RPA2: variants seen among roughly 807,000 people sequenced by gnomAD.
RPA2 encodes replication protein A2.
Under a neutral mutation model 33.4 loss-of-function variants are expected in RPA2, and 22 were observed. The observed-to-expected ratio is 0.66, with a 90% CI of 0.47 to 0.94. The LOEUF (loss-of-function observed/expected upper bound fraction) is 0.94, where lower values mean the gene tolerates loss of function less well. RPA2 is among the 40% of genes least tolerant of loss of function. The probability of loss-of-function intolerance (pLI) is 0.00; values close to 1 mark genes in which losing one functional copy is unlikely to be tolerated. For synonymous variants in RPA2, 109 were observed against 114.9 expected, an observed-to-expected ratio of 0.95 and a Z score of 0.33; for missense variants, 279 against 329.9, an observed-to-expected ratio of 0.85 and a Z score of 1.19.
chr1:27,896,890 G>C (rs1166784375), intron 6 of RPA2, 115 bp downstream of exon 6: 17 of 675,784 alleles, frequency 2.5e-5, no homozygotes, highest in South Asian at 9.7e-5. Flanking sequence ...TGAGGACTTA[G>C]TGATGTCTTT....
In RPA2 at chr1:27,914,046, T is replaced by C; in HGVS notation, c.117+17A>G. On this transcript the variant is annotated intron_variant, in intron 2 of 8. Coordinates refer to ENST00000373912, the MANE Select transcript of RPA2 (RefSeq NM_002946.5). Reference sequence around the variant, plus strand: ...CAGGACAGGATAAAACAAAACTAAATACTCCTTTCAACCTACTGATTTCTT... The same window carrying C: ...CAGGACAGGATAAAACAAAACTAAACACTCCTTTCAACCTACTGATTTCTT... The C allele has an allele frequency of 2.6e-6, 4 of 1,558,404 alleles. No homozygotes were observed. The highest frequency in any genetic ancestry group is 3.5e-6 in the Non-Finnish European group (4 of 1,152,652).
At chr1:27,900,666 G>A (rs955707923) in intron 4 of RPA2, among the ~76,000 whole-genome samples, 3 of 151,860 alleles carry the variant, frequency 2.0e-5, no homozygotes, top group Non-Finnish European at 2.9e-5. Flanking sequence ...TGGATGAGGA[G>A]TTGCTTCCTT....
intron 4 of RPA2, among the ~76,000 whole-genome samples, chr1:27,900,896 C>A (rs1345527204): frequency 3.3e-5 from 5 of 152,146 alleles, no homozygotes; most frequent in African/African-American, 1.2e-4. Flanking sequence ...AACTCCTGAC[C>A]TCAAATGATC....
chr1:27,899,873 G>C (rs1257466614), intron 4 of RPA2, among the ~76,000 whole-genome samples: 1 of 152,088 alleles, frequency 6.6e-6, no homozygotes, highest in East Asian at 1.9e-4. Flanking sequence ...GTAGAGACAA[G>C]GTTTCACCCT....
chr1:27,902,724 G>A (rs1225071115), intron 4 of RPA2, among the ~76,000 whole-genome samples: 1 of 151,766 alleles, frequency 6.6e-6, no homozygotes, highest in Non-Finnish European at 1.5e-5. Context: ...TGGGAGGATT[G>A]CTTAAACCCA....
upstream of RPA2, chr1:27,914,583 C>T (rs1018068779): frequency 1.9e-6 from 3 of 1,613,150 alleles, no homozygotes; most frequent in Non-Finnish European, 2.5e-6. Flanking sequence ...AATGGCGGAG[C>T]CAGTCAGCTC....
chr1:27,898,001 CT>C (rs2089914529), intron 4 of RPA2, among the ~76,000 whole-genome samples: 1 of 151,950 alleles, frequency 6.6e-6, no homozygotes, highest in African/African-American at 2.4e-5. Context: ...TTTCTTTTTT[CT>C]TTTTTTGAGA....
intron 2 of RPA2, 126 bp downstream of exon 2, chr1:27,913,934 AGAT>A: frequency 1.2e-6 from 1 of 860,406 alleles, no homozygotes; most frequent in South Asian, 2.5e-5. Flanking sequence ...TAAGAGATGC[AGAT>A]AATAATAGAT....
At chr1:27,906,611 C>A (rs2090031491) in intron 4 of RPA2, among the ~76,000 whole-genome samples, 1 of 152,122 alleles carries the variant, frequency 6.6e-6, no homozygotes, top group African/African-American at 2.4e-5. Context: ...ATCGCTTGAG[C>A]CCGGGATGCG....
rs1480576561 is a variant in RPA2 at position 27,894,305 on chromosome 1, A to G, written c.618T>C (p.Thr206=). ...TGGAGGTTACCTGGTTTTGGGCCAC[A>G]GTGAGGCCATTTGCTGGCATGAAGC... ...GNSFMPANGL[T]VAQNQVLNLI... The change falls in exon 7 of 9, where the codon ACT becomes ACC. Residue 206 remains threonine (T), a synonymous_variant. Transcript: ENST00000373912. 1.1e-5 allele frequency: 18 copies of G among 1,614,070 alleles called. No individual in the cohort carries two copies. The highest frequency in any genetic ancestry group is 1.4e-5 in the Non-Finnish European group (17 of 1,180,006).
chr1:27,905,316 CAG>C (rs1193757694), intron 4 of RPA2, among the ~76,000 whole-genome samples: 2 of 152,112 alleles, frequency 1.3e-5, no homozygotes, highest in Admixed American at 6.6e-5. Context: ...CATTTTGAGA[CAG>C]AGTCTTGCTC....
At chr1:27,892,565 C>T (rs1027911563) in intron 8 of RPA2, among the ~76,000 whole-genome samples, 1 of 152,226 alleles carries the variant, frequency 6.6e-6, no homozygotes. Flanking sequence ...TGTAGTCACA[C>T]TTGCACACAA....
chr1:27,914,592 T>G (rs1308789341), upstream of RPA2: 2 of 1,613,680 alleles, frequency 1.2e-6, no homozygotes. Context: ...GCCAGTCAGC[T>G]CCCGGGGTGC....
chr1:27,898,593 T>C (rs2089921469), intron 4 of RPA2, among the ~76,000 whole-genome samples: 1 of 151,424 alleles, frequency 6.6e-6, no homozygotes, highest in African/African-American at 2.4e-5. Flanking sequence ...TCACCCAGAC[T>C]GGAGTGGAGC....
At chr1:27,907,845 C>A (rs1391489549) in intron 2 of RPA2, among the ~76,000 whole-genome samples, 2 of 152,106 alleles carry the variant, frequency 1.3e-5, no homozygotes, top group African/African-American at 4.8e-5. Flanking sequence ...TGTTGGACAT[C>A]TTTTTAAATT....
At chr1:27,914,728 C>A, upstream of RPA2, 1 of 1,559,702 alleles carries the variant, frequency 6.4e-7, no homozygotes, top group Non-Finnish European at 8.8e-7. Context: ...TTACGAAGGG[C>A]AAAACCCTCC....
At chr1:27,892,359 T>A in intron 8 of RPA2, 112 bp from the exon 9 acceptor site, 1 of 769,066 alleles carries the variant, frequency 1.3e-6, no homozygotes, top group Non-Finnish European at 2.2e-6. Context: ...CTTTCTACCT[T>A]AGCTAAGAAT....
intron 4 of RPA2, among the ~76,000 whole-genome samples, chr1:27,898,544 A>AT (rs5773203): frequency 0.022 from 3,057 of 137,614 alleles, 60 homozygotes; most frequent in African/African-American, 0.05. Context: ...ACATTAGCTG[A>AT]TTTTTTTTTT....
At chr1:27,896,077 TTTTG>T (rs59977891) in intron 6 of RPA2, among the ~76,000 whole-genome samples, 45,253 of 151,988 alleles carry the variant, frequency 0.3, 7,925 homozygotes, top group East Asian at 0.52. Context: ...ATACATATAT[TTTTG>T]TTTATTACTT....
Sources: gnomAD v4.1 joint callset for allele counts (sites outside exome capture counted in the v4.1 genomes callset) on GRCh38, gnomAD v4.1.1 for gene constraint, MANE v1.5 for transcripts, NCBI Gene and HGNC (gene_info 2026-07-23, HGNC 2026-07-21) for gene names.